SLC22A24: variants seen among roughly 807,000 people sequenced by gnomAD.
SLC22A24 encodes steroid transmembrane transporter SLC22A24.
SLC22A24 carries 53 observed loss-of-function variants against 49.8 expected under a neutral mutation model. The observed-to-expected ratio is 1.06, with a 90% CI of 0.85 to 1.34. The LOEUF (loss-of-function observed/expected upper bound fraction) is 1.34, where lower values mean the gene tolerates loss of function less well. Ranked by LOEUF, SLC22A24 falls within the 40% of genes most tolerant of loss-of-function variation. The probability of loss-of-function intolerance (pLI) is 0.00; values close to 1 mark genes in which losing one functional copy is unlikely to be tolerated. For missense variants in SLC22A24, 786 were observed against 675.9 expected (o/e 1.16, Z -1.81); for synonymous variants, 302 against 256.4 (o/e 1.18, Z -1.70).
intron 2 of SLC22A24, among the ~76,000 whole-genome samples, chr11:63,131,017 A>G (rs1447617425): frequency 1.3e-5 from 2 of 151,792 alleles, no homozygotes; most frequent in Non-Finnish European, 2.9e-5. Flanking sequence ...TGATCCCTTT[A>G]CCATTATATA....
intron 7 of SLC22A24, 48 bp from the exon 8 acceptor site, chr11:63,081,714 C>G: frequency 8.0e-7 from 1 of 1,246,984 alleles, no homozygotes; most frequent in Non-Finnish European, 1.2e-6. Context: ...AGAAACTTTT[C>G]AACCCCCAAA....
rs56708217 is a variant in SLC22A24, at chr11:63,099,371, A to ATTTTTTTTTTTTTTTTTTTTTTTTTT, written c.955-3291_955-3266dup. ...CCACCACACCTGGCTAATTTTTAAG[A>ATTTTTTTTTTTTTTTTTTTTTTTTTT]TTTTTTTTTTTTTTTTTTTTTTTTT... is the stretch of plus-strand genomic sequence containing the variant. On this transcript the variant is annotated intron_variant, in intron 5 of 9. Transcript: ENST00000612278. Among the ~76,000 whole-genome samples, 22 of 52,336 alleles carry ATTTTTTTTTTTTTTTTTTTTTTTTTT rather than the reference A, an allele frequency of 4.2e-4. 3 individuals carry two copies. The highest frequency in any genetic ancestry group is 5.5e-4 in the Non-Finnish European group (17 of 30,896). 34.3% of individuals were successfully genotyped at this position (52,336 alleles called of 152,430 possible). A position where few individuals can be genotyped will look rare whatever the true frequency, so the allele number is the denominator to read the frequency against.
At chr11:63,090,188 G>A (rs4963359) in intron 6 of SLC22A24, among the ~76,000 whole-genome samples, 80,811 of 151,220 alleles carry the variant, frequency 0.53, 21,606 homozygotes, top group African/African-American at 0.55. Flanking sequence ...GCACCCAATG[G>A]AGGAATACCC....
intron 4 of SLC22A24, among the ~76,000 whole-genome samples, chr11:63,111,113 G>T (rs1183323241): frequency 1.3e-5 from 2 of 151,970 alleles, no homozygotes; most frequent in African/African-American, 4.8e-5. Flanking sequence ...TAATCATGTG[G>T]TTTTTGTCTT....
At chr11:63,096,994 T>C (rs1016991524) in intron 5 of SLC22A24, among the ~76,000 whole-genome samples, 1 of 152,192 alleles carries the variant, frequency 6.6e-6, no homozygotes, top group Non-Finnish European at 1.5e-5. Context: ...AGTAGAAACA[T>C]TATTTTTAAA....
intron 4 of SLC22A24, chr11:63,118,545 T>G (rs1292640178): frequency 1.8e-5 from 8 of 445,424 alleles, no homozygotes; most frequent in Non-Finnish European, 3.2e-5. Flanking sequence ...GTAGATAAAT[T>G]TATTGTGTTT....
intron 5 of SLC22A24, among the ~76,000 whole-genome samples, chr11:63,097,451 A>G (rs1189049367): frequency 6.6e-6 from 1 of 152,220 alleles, no homozygotes; most frequent in Non-Finnish European, 1.5e-5. Flanking sequence ...ATGTGGAGAA[A>G]TAGGAATGCT....
intron 6 of SLC22A24, 133 bp from the exon 7 acceptor site, chr11:63,083,590 T>TA: frequency 1.5e-6 from 1 of 668,316 alleles, no homozygotes; most frequent in Non-Finnish European, 2.5e-6. Context: ...TTTTTCCTTT[T>TA]AAAAAAGGGA....
intron 8 of SLC22A24, 90 bp downstream of exon 8, chr11:63,081,468 A>G: frequency 1.1e-6 from 1 of 883,320 alleles, no homozygotes. Flanking sequence ...TTCATCTGGC[A>G]CCTAAACAGT....
intron 2 of SLC22A24, among the ~76,000 whole-genome samples, chr11:63,132,692 A>G (rs554746438): frequency 2.8e-4 from 42 of 152,126 alleles, no homozygotes; most frequent in African/African-American, 9.6e-4. Context: ...CCAGAGGAGC[A>G]CCCACCTGTA....
At chr11:63,134,947 A>G (rs920033672) in intron 1 of SLC22A24, among the ~76,000 whole-genome samples, 179 bp from the exon 2 acceptor site, 2 of 152,012 alleles carry the variant, frequency 1.3e-5, no homozygotes, top group East Asian at 1.9e-4. Flanking sequence ...AAAATACTAA[A>G]CTTATTTCAA....
chr11:63,143,146 A>C (rs2087427076), intron 1 of SLC22A24, among the ~76,000 whole-genome samples: 1 of 152,192 alleles, frequency 6.6e-6, no homozygotes. Context: ...TAATGATTTA[A>C]AATTCATGGT....
Position 63,119,241 on chromosome 11 carries a change from T to C in SLC22A24, c.601A>G (p.Ile201Val). 1 of 1,551,450 alleles carries C rather than the reference T, an allele frequency of 6.4e-7. No homozygotes were observed. The highest frequency in any genetic ancestry group is 8.7e-7 in the Non-Finnish European group (1 of 1,146,872). ...AFAPTFLVYC[I>V]LRFLAGFSTM... is the part of the protein sequence containing the mutation. ...GAGAACCCTGCCAAGAAGCGCAGTA[T>C]GCAGTAAACAAGGAAGGTGGGAGCG... Residue 201 changes from isoleucine (I) to valine (V), a missense_variant, in exon 3 of 10, where the codon ATA becomes GTA. Physicochemically the swap from Ile to Val is conservative, Grantham distance 29. Transcript: ENST00000612278.
intron 4 of SLC22A24, among the ~76,000 whole-genome samples, chr11:63,114,335 C>T (rs763717141): frequency 6.6e-6 from 1 of 152,124 alleles, no homozygotes; most frequent in Non-Finnish European, 1.5e-5. Context: ...CACTGATACC[C>T]TTTCTTCCAC....
intron 6 of SLC22A24, among the ~76,000 whole-genome samples, chr11:63,095,473 A>G (rs990615945): frequency 1.3e-5 from 2 of 152,178 alleles, no homozygotes; most frequent in African/African-American, 4.8e-5. Flanking sequence ...GCATGATTCC[A>G]TTAATATTAA....
At chr11:63,113,853 C>CAAAAA (rs376625916) in intron 4 of SLC22A24, among the ~76,000 whole-genome samples, 2 of 100,236 alleles carry the variant, frequency 2.0e-5, no homozygotes, top group Non-Finnish European at 4.1e-5. Context: ...GACTCCATCT[C>CAAAAA]AAAAAAAAAA....
intron 5 of SLC22A24, among the ~76,000 whole-genome samples, chr11:63,101,488 AG>A (rs2087090608): frequency 1.3e-5 from 2 of 152,048 alleles, no homozygotes; most frequent in Admixed American, 1.3e-4. Context: ...CAAACAAATT[AG>A]AAATAAAGCA....
intron 5 of SLC22A24, among the ~76,000 whole-genome samples, chr11:63,096,439 CACTGGGCATGAAAT>C (rs2087055630): frequency 6.6e-6 from 1 of 152,104 alleles, no homozygotes; most frequent in Non-Finnish European, 1.5e-5. Context: ...CTTTCTTATC[CACTGGGCATGAAAT>C]ACTTGTCCTT....
At chr11:63,140,516 A>G (rs144027679) in intron 1 of SLC22A24, among the ~76,000 whole-genome samples, 143 of 152,306 alleles carry the variant, frequency 9.4e-4, no homozygotes, top group African/African-American at 3.3e-3. Flanking sequence ...AAAATCATTC[A>G]GTTTACCTAC....
Sources: allele counts gnomAD v4.1 joint callset (sites outside exome capture counted in the v4.1 genomes callset), GRCh38; gene constraint gnomAD v4.1.1; transcripts MANE v1.5; gene names NCBI Gene and HGNC (gene_info 2026-07-23, HGNC 2026-07-21).